OSBPL10: variants seen among roughly 807,000 people sequenced by gnomAD.
OSBPL10 encodes oxysterol binding protein like 10.
OSBPL10 carries 49 observed loss-of-function variants against 81.7 expected under a neutral mutation model. The observed-to-expected ratio is 0.60, with a 90% CI of 0.48 to 0.76. The LOEUF (loss-of-function observed/expected upper bound fraction) is 0.76, where lower values mean the gene tolerates loss of function less well. Among genes scored for constraint, OSBPL10 ranks in the 30% least tolerant of loss-of-function variants. OSBPL10 has a pLI of 0.00. For synonymous variants in OSBPL10, 419 were observed against 383.6 expected (o/e 1.09, Z -1.08); for missense variants, 923 against 987.8 (o/e 0.93, Z 0.88).
chr3:31,951,925 T>G (rs1697881824), intron 1 of OSBPL10, among the ~76,000 whole-genome samples: 1 of 152,136 alleles, frequency 6.6e-6, no homozygotes, highest in Non-Finnish European at 1.5e-5. Context: ...AAATTAGATA[T>G]AATTCACAAG....
chr3:32,030,129 A>C (rs530020613), intron 2 of OSBPL10: 1 of 198,016 alleles, frequency 5.1e-6, no homozygotes, highest in South Asian at 9.8e-5. Flanking sequence ...TTTCTTAAGA[A>C]AGCAAGTGAT....
intron 1 of OSBPL10, among the ~76,000 whole-genome samples, chr3:31,925,381 AC>A (rs1377912116): frequency 2.6e-5 from 4 of 152,102 alleles, no homozygotes; most frequent in African/African-American, 9.7e-5. Flanking sequence ...AAGTACTCTG[AC>A]AATATAAGAC....
chr3:32,011,337 G>C (rs1436578373), intron 2 of OSBPL10, among the ~76,000 whole-genome samples: 1 of 152,138 alleles, frequency 6.6e-6, no homozygotes, highest in Non-Finnish European at 1.5e-5. Context: ...ACAGGGTCTG[G>C]AGTGGACCTC....
chr3:32,045,692 AG>A (rs756213899), intron 2 of OSBPL10, among the ~76,000 whole-genome samples: 1 of 152,020 alleles, frequency 6.6e-6, no homozygotes, highest in Non-Finnish European at 1.5e-5. Context: ...GCTGTGGGGG[AG>A]GGGGTGGCTC....
intron 4 of OSBPL10, among the ~76,000 whole-genome samples, chr3:31,788,421 C>T (rs77043939): frequency 0.051 from 7,772 of 152,160 alleles, 235 homozygotes; most frequent in African/African-American, 0.079. Flanking sequence ...TTCCTGATTC[C>T]ATCTGCTGGT....
intron 1 of OSBPL10, among the ~76,000 whole-genome samples, chr3:31,979,475 C>T (rs372031591): frequency 6.6e-6 from 1 of 152,272 alleles, no homozygotes; most frequent in East Asian, 1.9e-4. Context: ...CTGAACATTT[C>T]CAAACAATCT....
intron 1 of OSBPL10, among the ~76,000 whole-genome samples, chr3:31,970,473 T>A (rs1348924525): frequency 3.3e-5 from 5 of 152,222 alleles, no homozygotes; most frequent in Admixed American, 2.6e-4. Context: ...TCCAGGAAAT[T>A]ACTATGTGAC....
At chr3:31,998,077 G>A (rs901087) in intron 2 of OSBPL10, among the ~76,000 whole-genome samples, 4,630 of 152,216 alleles carry the variant, frequency 0.03, 148 homozygotes, top group African/African-American at 0.079. Flanking sequence ...GTGAGCAGCC[G>A]TGCCCAGCTA....
chr3:32,052,969 T>C (rs1575093150), intron 1 of OSBPL10, among the ~76,000 whole-genome samples: 4 of 59,700 alleles, frequency 6.7e-5, no homozygotes, highest in East Asian at 2.1e-3. Context: ...TACAGAACAA[T>C]CAAAAAAAAA....
chr3:31,961,921 A>G (rs1185366874), intron 1 of OSBPL10, among the ~76,000 whole-genome samples: 1 of 76,082 alleles, frequency 1.3e-5, no homozygotes, highest in African/African-American at 7.5e-5. Flanking sequence ...TTTTTTTTTT[A>G]AGAGTTTTTT....
At chr3:31,893,845 G>A (rs1331560386) in intron 1 of OSBPL10, among the ~76,000 whole-genome samples, 1 of 152,168 alleles carries the variant, frequency 6.6e-6, no homozygotes, top group Non-Finnish European at 1.5e-5. Context: ...GGCTAAGGGT[G>A]GGAGCAGGAT....
At chr3:31,856,879 C>G (rs573912994) in intron 3 of OSBPL10, among the ~76,000 whole-genome samples, 1 of 152,116 alleles carries the variant, frequency 6.6e-6, no homozygotes, top group Non-Finnish European at 1.5e-5. Flanking sequence ...AGATCAAGAC[C>G]AGCCTGGCCA....
chr3:31,758,601 C>G (rs1697951133), intron 4 of OSBPL10, among the ~76,000 whole-genome samples: 1 of 152,158 alleles, frequency 6.6e-6, no homozygotes, highest in Non-Finnish European at 1.5e-5. Context: ...GACCACTGAC[C>G]ACGAGAGTGG....
intron 4 of OSBPL10, among the ~76,000 whole-genome samples, chr3:31,819,604 G>A (rs1199840589): frequency 6.6e-6 from 1 of 152,188 alleles, no homozygotes; most frequent in East Asian, 1.9e-4. Context: ...AGGAGGGCGA[G>A]ACAGCCATGG....
chr3:31,740,433 CTAAG>C (rs933298535), intron 5 of OSBPL10, among the ~76,000 whole-genome samples: 1 of 151,746 alleles, frequency 6.6e-6, no homozygotes, highest in African/African-American at 2.4e-5. Flanking sequence ...CATACATTAT[CTAAG>C]TATTATACTA....
chr3:31,921,840 A>G (rs1696925925), intron 1 of OSBPL10, among the ~76,000 whole-genome samples: 1 of 152,218 alleles, frequency 6.6e-6, no homozygotes, highest in Admixed American at 6.5e-5. Flanking sequence ...CCAGGTGATT[A>G]AGGTCAACAG....
intron 7 of OSBPL10, among the ~76,000 whole-genome samples, chr3:31,698,387 G>A (rs984416618): frequency 3.3e-5 from 5 of 152,118 alleles, no homozygotes; most frequent in African/African-American, 1.2e-4. Flanking sequence ...GGAGGTGGAG[G>A]TTGCAGTAAG....
At chr3:31,803,494 A>T (rs1699444516) in intron 4 of OSBPL10, among the ~76,000 whole-genome samples, 1 of 152,206 alleles carries the variant, frequency 6.6e-6, no homozygotes, top group African/African-American at 2.4e-5. Flanking sequence ...TTTACTTTAA[A>T]ATAATTTTGG....
At chr3:31,821,765 C>G (rs567756351) in intron 4 of OSBPL10, among the ~76,000 whole-genome samples, 1 of 152,180 alleles carries the variant, frequency 6.6e-6, no homozygotes, top group East Asian at 1.9e-4. Flanking sequence ...CACTTTATAC[C>G]CTAAATGTGG....
Sources: allele counts gnomAD v4.1 joint callset (sites outside exome capture counted in the v4.1 genomes callset), GRCh38; gene constraint gnomAD v4.1.1; transcripts MANE v1.5; gene names NCBI Gene and HGNC (gene_info 2026-07-23, HGNC 2026-07-21).